DIS3L2: variants seen among roughly 807,000 people sequenced by gnomAD.
The protein encoded by DIS3L2 is DIS3 like 3'-5' exoribonuclease 2.
Under a neutral mutation model 97.5 loss-of-function variants are expected in DIS3L2, and 34 were observed. That is an observed-to-expected ratio of 0.35 (90% confidence interval 0.27 to 0.46). The LOEUF (loss-of-function observed/expected upper bound fraction) is 0.46. Among genes scored for constraint, DIS3L2 ranks in the 20% least tolerant of loss-of-function variants. DIS3L2 has a pLI of 1.00. For missense variants in DIS3L2, 1,038 were observed against 1,146.0 expected (o/e 0.91, Z 1.36); for synonymous variants, 435 against 445.2 (o/e 0.98, Z 0.29).
In DIS3L2 at chr2:232,180,970, T is replaced by G. The variant is rs1691245074; in HGVS notation, c.1124+17338T>G. Among the ~76,000 whole-genome samples the G allele has an allele frequency of 1.4e-4, 6 of 42,262 alleles. No homozygotes were observed. In the Admixed American group the frequency reaches 1.4e-3, roughly 10 times the overall value. 27.7% of individuals were successfully genotyped at this position (42,262 alleles called of 152,430 possible). ...GGTACCGGTTGTTCCTTTCCATGTT[T>G]AGCGCTTCCTTCAGGAGCTCTTTTA... On this transcript the variant is annotated intron_variant, in intron 9 of 20. Coordinates refer to ENST00000325385, the MANE Select transcript of DIS3L2 (RefSeq NM_152383.5).
chr2:232,166,653 T>C (rs982372333), intron 9 of DIS3L2, among the ~76,000 whole-genome samples: 2 of 150,014 alleles, frequency 1.3e-5, no homozygotes, highest in Admixed American at 1.3e-4. Flanking sequence ...GAGGCGGAGG[T>C]TGCAGTGAGC....
intron 5 of DIS3L2, among the ~76,000 whole-genome samples, chr2:232,051,166 C>G (rs1695388032): frequency 6.6e-6 from 1 of 152,066 alleles, no homozygotes; most frequent in Admixed American, 6.6e-5. Flanking sequence ...ATTGGGGTCT[C>G]CATTCTAGAT....
rs539284529 is a variant in DIS3L2, at chr2:232,198,315, A to G, written c.1125-12011A>G. ...CTCTCCTATGTTTATAAAATCTGAG[A>G]AGATTTTATAGATTGTATAGAACTT... On this transcript the variant is annotated intron_variant, in intron 9 of 20. Coordinates refer to ENST00000325385, the MANE Select transcript of DIS3L2 (RefSeq NM_152383.5). 2.9e-3 allele frequency among the ~76,000 whole-genome samples: 435 copies of G among 152,320 alleles called. 1 individual carries two copies. Among genetic ancestry groups the G allele is most frequent in the Non-Finnish European group, 4.7e-3 (323 of 68,034 alleles).
chr2:232,085,360 G>A (rs573233702), intron 5 of DIS3L2, among the ~76,000 whole-genome samples: 1 of 152,192 alleles, frequency 6.6e-6, no homozygotes, highest in Non-Finnish European at 1.5e-5. Flanking sequence ...ACTCCATAAT[G>A]ACTTGTTGAA....
chr2:232,202,711 A>G (rs1691927869), intron 9 of DIS3L2, among the ~76,000 whole-genome samples: 1 of 152,112 alleles, frequency 6.6e-6, no homozygotes, highest in Non-Finnish European at 1.5e-5. Flanking sequence ...TTTACCACTG[A>G]GTGTGGTGAG....
chr2:232,129,543 T>C (rs1364057656), intron 6 of DIS3L2, among the ~76,000 whole-genome samples: 1 of 152,266 alleles, frequency 6.6e-6, no homozygotes, highest in East Asian at 1.9e-4. Flanking sequence ...CAATGAGGAT[T>C]CTGCATTCAG....
intron 5 of DIS3L2, among the ~76,000 whole-genome samples, chr2:232,074,687 T>C (rs1180367022): frequency 6.7e-6 from 1 of 150,190 alleles, no homozygotes; most frequent in East Asian, 2.0e-4. Context: ...TGGGTCCCAA[T>C]GATCCTTCCT....
chr2:232,246,749 C>G (rs574176454), intron 11 of DIS3L2, among the ~76,000 whole-genome samples: 19 of 152,138 alleles, frequency 1.2e-4, no homozygotes, highest in African/African-American at 4.1e-4. Flanking sequence ...TGGTGAGGCC[C>G]TTTTTGCAAA....
Position 232,136,531 on chromosome 2 carries a change from G to GT in DIS3L2, c.762_763insT (p.Ala255CysfsTer2). 6.2e-7 allele frequency: 1 copy of GT among 1,613,990 alleles called. No individual in the cohort carries two copies. Among genetic ancestry groups the GT allele is most frequent in the African/African-American group, 1.3e-5 (1 of 74,996 alleles). The stretch of plus-strand genomic sequence containing the variant: ...CAGCAACCGGCTTCCTCAAACTCTT[G>GT]GCTGATAAGAACAGCGAACTGTTTA... On this transcript the variant is annotated frameshift_variant, in exon 8 of 21. Transcript: ENST00000325385. LOFTEE classifies it high-confidence loss of function.
At chr2:232,319,834 G>A (rs944514608) in intron 14 of DIS3L2, among the ~76,000 whole-genome samples, 1 of 152,222 alleles carries the variant, frequency 6.6e-6, no homozygotes, top group African/African-American at 2.4e-5. Flanking sequence ...CTCAGGTCCA[G>A]TCACGCTTTG....
intron 1 of DIS3L2, among the ~76,000 whole-genome samples, chr2:231,969,103 TG>T (rs1237753884): frequency 6.6e-6 from 1 of 152,200 alleles, no homozygotes. Flanking sequence ...CGTGTGGAAC[TG>T]AGTCAATTAA....
At position 232,015,564 on chromosome 2, in the gene DIS3L2, A is replaced by G; in HGVS notation, c.103A>G (p.Lys35Glu). ...PHDIGASPGD[K>E]KSKNRSTRGK... ...TGACATTGGTGCTTCGCCAGGTGAC[A>G]AAAAGTCAAAGAACAGGTCCACACG... is the stretch of plus-strand genomic sequence containing the variant. Residue 35 changes from lysine (K) to glutamate (E), a missense_variant, in exon 3 of 21, where the codon AAA (lysine) becomes GAA (glutamate). This residue lies in a region of DIS3L2 where 813 missense variants were observed against 880.1 expected (regional missense o/e 0.92). Coordinates refer to ENST00000325385, the MANE Select transcript of DIS3L2 (RefSeq NM_152383.5). 1 of 1,614,088 alleles carries G rather than the reference A, an allele frequency of 6.2e-7. No homozygotes were observed. Among genetic ancestry groups the G allele is most frequent in the African/African-American group, 1.3e-5 (1 of 75,040 alleles).
intron 5 of DIS3L2, among the ~76,000 whole-genome samples, chr2:232,083,322 C>A (rs1186150815): frequency 6.9e-6 from 1 of 145,454 alleles, no homozygotes; most frequent in African/African-American, 2.5e-5. Context: ...AGAGAAAGAC[C>A]TTTCACTGTG....
intron 10 of DIS3L2, among the ~76,000 whole-genome samples, chr2:232,225,718 T>C (rs1692626815): frequency 6.6e-6 from 1 of 152,152 alleles, no homozygotes; most frequent in Admixed American, 6.5e-5. Context: ...ATGTATTTCA[T>C]GCCTTAATAA....
intron 1 of DIS3L2, among the ~76,000 whole-genome samples, chr2:231,990,769 G>A (rs1042591383): frequency 6.6e-6 from 1 of 152,160 alleles, no homozygotes; most frequent in Admixed American, 6.5e-5. Context: ...TATTAGGCAA[G>A]TAATGATACT....
chr2:232,083,095 C>T (rs1478634689), intron 5 of DIS3L2, among the ~76,000 whole-genome samples: 1 of 151,296 alleles, frequency 6.6e-6, no homozygotes, highest in South Asian at 2.1e-4. Flanking sequence ...TTACCTCCCA[C>T]CTGGTCCCTC....
At chr2:231,978,650 A>G (rs1253319902) in intron 1 of DIS3L2, 1 of 152,242 alleles carries the variant, frequency 6.6e-6, no homozygotes, top group Non-Finnish European at 1.5e-5. Flanking sequence ...GCACTCCACC[A>G]TCCTCACTCT....
chr2:232,059,989 T>C (rs1695658482), intron 5 of DIS3L2, among the ~76,000 whole-genome samples: 1 of 152,238 alleles, frequency 6.6e-6, no homozygotes, highest in Admixed American at 6.5e-5. Flanking sequence ...TATTTTCTTT[T>C]GGATGTATAC....
chr2:232,225,668 A>G (rs1237400429), intron 10 of DIS3L2, among the ~76,000 whole-genome samples: 1 of 152,180 alleles, frequency 6.6e-6, no homozygotes, highest in East Asian at 1.9e-4. Context: ...TTTACTTTGT[A>G]AAACTTCATT....
Sources: gnomAD v4.1 joint callset for allele counts (sites outside exome capture counted in the v4.1 genomes callset) on GRCh38, gnomAD v4.1.1 for gene constraint, gnomAD v4.1.1 regional missense constraint, MANE v1.5 for transcripts, NCBI Gene and HGNC (gene_info 2026-07-23, HGNC 2026-07-21) for gene names.